The following PCIF1 variants were observed in gnomAD, a reference collection of about 807,000 sequenced individuals.
PCIF1 encodes phosphorylated CTD interacting factor 1.
In PCIF1, 12 loss-of-function variants were observed where a neutral mutation model predicts 86.9. The observed-to-expected ratio is 0.14, with a 90% CI of 0.09 to 0.22. PCIF1 has a LOEUF of 0.22. PCIF1 is among the 10% of genes least tolerant of loss of function. The pLI is 1.00. For missense variants in PCIF1, 701 were observed against 951.1 expected, an observed-to-expected ratio of 0.74 and a Z score of 3.46; for synonymous variants, 397 against 372.0, an observed-to-expected ratio of 1.07 and a Z score of -0.77.
chr20:45,945,017 A>G lies in PCIF1; in HGVS notation c.1155A>G (p.Glu385=). ...AGAAGCACCTTGCCATCCTCAAGGA[A>G]AACAACATCTCAGGTAGGGGAAAGG... ...IREKHLAILK[E]NNISEEVEAP... Residue 385 remains glutamate, a synonymous_variant, in exon 11 of 17, where the codon GAA becomes GAG. Coordinates refer to ENST00000372409, the MANE Select transcript of PCIF1 (RefSeq NM_022104.4). 1.2e-6 allele frequency: 2 copies of G among 1,611,546 alleles called. No individual in the cohort carries two copies. The highest frequency in any genetic ancestry group is 1.7e-6 in the Non-Finnish European group (2 of 1,178,922).
chr20:45,938,917 TG>T (rs2083446974), intron 2 of PCIF1, 63 bp from the exon 3 acceptor site: 1 of 1,585,392 alleles, frequency 6.3e-7, no homozygotes, highest in Admixed American at 1.7e-5. Context: ...ACTGGGGCCC[TG>T]GGTGGATTGT....
chr20:45,947,045 G>T lies in PCIF1; in HGVS notation c.1614-28G>T, dbSNP rs1306685943. 1 of 1,577,922 alleles carries T rather than the reference G, an allele frequency of 6.3e-7. No individual in the cohort carries two copies. The highest frequency in any genetic ancestry group is 2.3e-5 in the East Asian group (1 of 44,302). ...TGGTTGAGGGACTGGGTCCTGATGGGACTTAGAATGCTCACTCCTGTCCCC... is the reference window on the plus strand; with the variant it reads ...TGGTTGAGGGACTGGGTCCTGATGGTACTTAGAATGCTCACTCCTGTCCCC... On this transcript the variant is annotated intron_variant, in intron 14 of 16. Transcript: ENST00000372409. This position sits in a 1 kb window ranked among gnomAD's most constrained non-coding sequence, Gnocchi z 5.4.
At chr20:45,941,802 G>C (rs2083472333) in intron 7 of PCIF1, among the ~76,000 whole-genome samples, 1 of 151,036 alleles carries the variant, frequency 6.6e-6, no homozygotes, top group Non-Finnish European at 1.5e-5. Flanking sequence ...GCCCAGGCTG[G>C]TCTTGTACTC....
At chr20:45,941,631 G>A (rs527326767) in intron 7 of PCIF1, among the ~76,000 whole-genome samples, 1 of 151,612 alleles carries the variant, frequency 6.6e-6, no homozygotes, top group African/African-American at 2.4e-5. Flanking sequence ...GCTCATTTTT[G>A]TATTTTTAAT....
Position 45,947,078 on chromosome 20 carries a change from G to A in PCIF1, c.1619G>A (p.Cys540Tyr), listed in dbSNP as rs758646700. 5 of 1,610,468 alleles carry A rather than the reference G, an allele frequency of 3.1e-6. No individual in the cohort carries two copies. The highest frequency in any genetic ancestry group is 3.4e-6 in the Non-Finnish European group (4 of 1,177,136). Reference protein sequence around the residue: ...TDGYFGSRGPCLDFAPLSGSF... With the variant: ...TDGYFGSRGPYLDFAPLSGSF... Reference sequence around the variant, plus strand: ...ATGCTCACTCCTGTCCCCAGGCCCTGCCTAGACTTTGCTCCACTGAGTGGT... The same window carrying A: ...ATGCTCACTCCTGTCCCCAGGCCCTACCTAGACTTTGCTCCACTGAGTGGT... Residue 540 changes from cysteine (C) to tyrosine (Y), a missense_variant, in exon 15 of 17, where the codon TGC (cysteine) becomes TAC (tyrosine). By Grantham distance (194) the Cys-to-Tyr change is radical. This residue lies in a region of PCIF1 where 61 missense variants were observed against 118.5 expected (regional missense o/e 0.51). Coordinates refer to ENST00000372409, the MANE Select transcript of PCIF1 (RefSeq NM_022104.4). The surrounding 1 kb of genome is among the most constrained non-coding windows in gnomAD (Gnocchi z 5.4).
In PCIF1 at chr20:45,943,434, C is replaced by A. The variant is rs1302375192; in HGVS notation, c.905+11C>A. On this transcript the variant is annotated intron_variant, in intron 9 of 16. Coordinates refer to ENST00000372409, the MANE Select transcript of PCIF1 (RefSeq NM_022104.4). The surrounding 1 kb of genome is among the most constrained non-coding windows in gnomAD (Gnocchi z 5.5). ...GCTCATCGAGTCCAGGTTTGCCTGT[C>A]TTCTGCCCCAGGCGAGATGGGTCTG... The A allele has an allele frequency of 1.2e-6, 2 of 1,610,876 alleles. No homozygotes were observed. The highest frequency in any genetic ancestry group is 3.3e-5 in the Admixed American group (2 of 59,960).
At position 45,947,927 on chromosome 20, in the gene PCIF1, C is replaced by G. The variant is rs1336077444; in HGVS notation, c.*172C>G. On this transcript the variant is annotated 3_prime_UTR_variant, in exon 17 of 17. Coordinates refer to ENST00000372409, the MANE Select transcript of PCIF1 (RefSeq NM_022104.4). This position sits in a 1 kb window ranked among gnomAD's most constrained non-coding sequence, Gnocchi z 5.4. The stretch of plus-strand genomic sequence containing the variant: ...CCTCACCTCAAACTCCCTCCAAGTC[C>G]CATGTATATAGGTCCTGATGCCTTC... 2.0e-6 allele frequency: 3 copies of G among 1,533,780 alleles called. No homozygotes were observed. In the South Asian group the frequency reaches 3.6e-5, roughly 18 times the overall value.
intron 7 of PCIF1, among the ~76,000 whole-genome samples, chr20:45,942,014 C>T (rs1198888523): frequency 1.1e-4 from 16 of 140,758 alleles, no homozygotes; most frequent in Non-Finnish European, 2.0e-4. Context: ...CTCGCTCTGT[C>T]GCCCAGGCTG....
chr20:45,936,152 AG>A (rs2083423526), intron 1 of PCIF1, among the ~76,000 whole-genome samples: 1 of 151,970 alleles, frequency 6.6e-6, no homozygotes, highest in South Asian at 2.1e-4. Flanking sequence ...CTCTGGTCTA[AG>A]GGTACTTTAT....
intron 1 of PCIF1, among the ~76,000 whole-genome samples, chr20:45,936,341 ATTTTTTTT>A (rs746165752): frequency 1.2e-4 from 13 of 109,732 alleles, no homozygotes; most frequent in Admixed American, 6.8e-4. Flanking sequence ...CGCCGGGCTA[ATTTTTTTT>A]TTTTTTTTTT....
In PCIF1 at chr20:45,943,853, A is replaced by G; in HGVS notation, c.1005+88A>G. ...CCTACTCTGCCTGTCCAGGCTGGGC[A>G]AGGCCTCCCCCAGCGGCCTATTCTT... On this transcript the variant is annotated intron_variant, in intron 10 of 16. Coordinates refer to ENST00000372409, the MANE Select transcript of PCIF1 (RefSeq NM_022104.4). This position sits in a 1 kb window ranked among gnomAD's most constrained non-coding sequence, Gnocchi z 5.5. 1 of 1,109,760 alleles carries G rather than the reference A, an allele frequency of 9.0e-7. No homozygotes were observed. Among genetic ancestry groups the G allele is most frequent in the Non-Finnish European group, 1.3e-6 (1 of 759,238 alleles). 68.7% of individuals were successfully genotyped at this position (1,109,760 alleles called of 1,614,324 possible). A position where few individuals can be genotyped will look rare whatever the true frequency, so the allele number is the denominator to read the frequency against.
chr20:45,947,961 G>GC lies in PCIF1; in HGVS notation c.*210dup, dbSNP rs1479317039. 6 of 1,530,440 alleles carry GC rather than the reference G, an allele frequency of 3.9e-6. 1 individual carries two copies. Among genetic ancestry groups the GC allele is most frequent in the South Asian group, 3.6e-5 (3 of 83,092 alleles). The allele number at this position is 1,530,440 out of a possible 1,614,324, so 94.8% of individuals were successfully genotyped here. A position where few individuals can be genotyped will look rare whatever the true frequency, so the allele number is the denominator to read the frequency against. On this transcript the variant is annotated 3_prime_UTR_variant, in exon 17 of 17. Coordinates refer to ENST00000372409, the MANE Select transcript of PCIF1 (RefSeq NM_022104.4). The surrounding 1 kb of genome is among the most constrained non-coding windows in gnomAD (Gnocchi z 5.4). ...TAGGTCCTGATGCCTTCCCAACCCCGCCCCTCACCCTGTTGCCACCTTGTT... is the reference window on the plus strand; with the variant it reads ...TAGGTCCTGATGCCTTCCCAACCCCGCCCCCTCACCCTGTTGCCACCTTGTT...
At chr20:45,942,655 C>T (rs967694046) in intron 7 of PCIF1, among the ~76,000 whole-genome samples, 1 of 152,066 alleles carries the variant, frequency 6.6e-6, no homozygotes, top group Non-Finnish European at 1.5e-5. Context: ...CGCTCTGTCA[C>T]CCAGGTTGGG....
intron 4 of PCIF1, 106 bp from the exon 5 acceptor site, chr20:45,940,369 C>G: frequency 7.4e-7 from 1 of 1,360,096 alleles, no homozygotes; most frequent in East Asian, 2.7e-5. Flanking sequence ...CTCCTCTGCT[C>G]TTCCCTAAGG....
Position 45,939,357 on chromosome 20 carries a change from G to T in PCIF1, c.249+18G>T. ...ATGTGATTGTGAGTGCCAGCCTAGG[G>T]TGGGGGGGTCTCAGAGTGGCCTCTG... is the stretch of plus-strand genomic sequence containing the variant. On this transcript the variant is annotated intron_variant, in intron 4 of 16. Transcript: ENST00000372409. 4.3e-6 allele frequency: 7 copies of T among 1,612,558 alleles called. No individual in the cohort carries two copies. The highest frequency in any genetic ancestry group is 5.9e-6 in the Non-Finnish European group (7 of 1,179,930).
At chr20:45,946,792 C>G (rs1470489092) in intron 14 of PCIF1, among the ~76,000 whole-genome samples, 1 of 152,222 alleles carries the variant, frequency 6.6e-6, no homozygotes, top group African/African-American at 2.4e-5. Flanking sequence ...AGCTCAGCAG[C>G]TGGGGATCCT....
chr20:45,946,272 C>G lies in PCIF1; in HGVS notation c.1501C>G (p.Leu501Val). The G allele has an allele frequency of 6.2e-7, 1 of 1,614,184 alleles. No individual in the cohort carries two copies. The highest frequency in any genetic ancestry group is 1.1e-5 in the South Asian group (1 of 91,088). ...GSLPVHVFEALHRLFGVSFEC... is the reference protein window; with the variant it reads ...GSLPVHVFEAVHRLFGVSFEC... ...GCTGCCTGTGCATGTCTTTGAGGCCCTCCACCGACTCTTTGGCGTCAGCTT... is the reference window on the plus strand; with the variant it reads ...GCTGCCTGTGCATGTCTTTGAGGCCGTCCACCGACTCTTTGGCGTCAGCTT... The change falls in exon 14 of 17, where the codon CTC becomes GTC. Residue 501 changes from leucine (L) to valine (V), a missense_variant. This residue lies in a region of PCIF1 where 61 missense variants were observed against 118.5 expected (regional missense o/e 0.51). Transcript: ENST00000372409.
chr20:45,935,363 C>G (rs1049494978), intron 1 of PCIF1, among the ~76,000 whole-genome samples: 8 of 152,108 alleles, frequency 5.3e-5, no homozygotes, highest in Admixed American at 6.6e-5. Flanking sequence ...ACTCTGGCTT[C>G]TGGTGGGTTT....
Position 45,940,930 on chromosome 20 carries a change from G to A in PCIF1, c.509G>A (p.Arg170Gln), listed in dbSNP as rs907941741. ...PEDKQQAALL[R>Q]PTEVYWDLDI... Reference sequence around the variant, plus strand: ...GATAAACAGCAGGCAGCTCTCCTACGACCCACTGAGTGAGTCCCTGCTGAT... The same window carrying A: ...GATAAACAGCAGGCAGCTCTCCTACAACCCACTGAGTGAGTCCCTGCTGAT... Residue 170 changes from arginine (R) to glutamine (Q), a missense_variant, in exon 6 of 17, where the codon CGA becomes CAA. Physicochemically the swap from Arg to Gln is conservative, Grantham distance 43 (BLOSUM62 1). Coordinates refer to ENST00000372409, the MANE Select transcript of PCIF1 (RefSeq NM_022104.4). The A allele has an allele frequency of 2.5e-6, 4 of 1,613,982 alleles. No individual in the cohort carries two copies. The highest frequency in any genetic ancestry group is 3.3e-5 in the Admixed American group (2 of 59,978).
Sources: gnomAD v4.1 joint callset for allele counts (sites outside exome capture counted in the v4.1 genomes callset) on GRCh38, gnomAD v4.1.1 for gene constraint, gnomAD v4.1.1 regional missense constraint, Gnocchi (gnomAD v3.1) non-coding constraint, MANE v1.5 for transcripts, NCBI Gene and HGNC (gene_info 2026-07-23, HGNC 2026-07-21) for gene names.